Variants in NKD1 observed in about 807,000 individuals in gnomAD.
The protein encoded by NKD1 is protein naked cuticle homolog 1.
NKD1 carries 21 observed loss-of-function variants against 56.0 expected under a neutral mutation model. That is an observed-to-expected ratio of 0.38 (90% CI 0.27 to 0.54). The LOEUF (loss-of-function observed/expected upper bound fraction) is 0.54. NKD1 is among the 20% of genes least tolerant of loss of function. NKD1 has a pLI of 0.82. For synonymous variants in NKD1, 263 were observed against 265.7 expected, an observed-to-expected ratio of 0.99 and a Z score of 0.10; for missense variants, 578 against 642.7, an observed-to-expected ratio of 0.90 and a Z score of 1.09.
At chr16:50,567,375 C>T (rs1960784313) in intron 3 of NKD1, among the ~76,000 whole-genome samples, 1 of 152,102 alleles carries the variant, frequency 6.6e-6, no homozygotes. Flanking sequence ...CTGGAAGGGG[C>T]GTGATTGCCG....
chr16:50,550,378 GA>G (rs1216154613), intron 3 of NKD1, among the ~76,000 whole-genome samples: 14 of 150,420 alleles, frequency 9.3e-5, no homozygotes, highest in African/African-American at 3.4e-4. Context: ...TTTTAACTTA[GA>G]GGGGGAATAG....
chr16:50,548,914 C>A, intron 2 of NKD1, 165 bp downstream of exon 2: 2 of 897,110 alleles, frequency 2.2e-6, no homozygotes, highest in Non-Finnish European at 2.7e-6. Flanking sequence ...GCGCCCCCTC[C>A]TCTGTCCCTC....
chr16:50,587,064 T>C (rs963232186), intron 3 of NKD1, among the ~76,000 whole-genome samples: 1 of 152,226 alleles, frequency 6.6e-6, no homozygotes, highest in Non-Finnish European at 1.5e-5. Flanking sequence ...GAAAGCTGTG[T>C]GGATATAAAG....
intron 3 of NKD1, among the ~76,000 whole-genome samples, chr16:50,582,139 T>C (rs1316611644): frequency 6.6e-6 from 1 of 152,170 alleles, no homozygotes; most frequent in Non-Finnish European, 1.5e-5. Flanking sequence ...CCAGAGTGCA[T>C]TGCCCGCCCA....
At chr16:50,625,344 G>A in intron 5 of NKD1, 141 bp from the exon 6 acceptor site, 2 of 662,240 alleles carry the variant, frequency 3.0e-6, no homozygotes, top group East Asian at 5.3e-5. Flanking sequence ...CTTGGCCAAA[G>A]TGCTCCCTGT....
chr16:50,593,839 A>G (rs1314500291), intron 3 of NKD1, among the ~76,000 whole-genome samples: 2 of 152,196 alleles, frequency 1.3e-5, no homozygotes, highest in Non-Finnish European at 2.9e-5. Context: ...CTGATATTCA[A>G]ACTTAACTGA....
At chr16:50,613,020 T>TGGGGCTG in intron 4 of NKD1, among the ~76,000 whole-genome samples, 2 of 151,826 alleles carry the variant, frequency 1.3e-5, no homozygotes, top group Middle Eastern at 6.9e-3. Context: ...GAGAGGTCCA[T>TGGGGCTG]GGGGCTGGAG....
chr16:50,608,419 G>A, intron 4 of NKD1, 59 bp downstream of exon 4: 2 of 1,247,764 alleles, frequency 1.6e-6, no homozygotes, highest in Non-Finnish European at 2.3e-6. Context: ...CGGGTGTTCA[G>A]CTGGCCGTGT....
intron 3 of NKD1, among the ~76,000 whole-genome samples, chr16:50,572,206 C>T (rs575624680): frequency 2.4e-4 from 36 of 152,202 alleles, no homozygotes; most frequent in Non-Finnish European, 4.6e-4. Context: ...ATTCATGTGG[C>T]AGTTGAGTTA....
chr16:50,630,998 G>A (rs1242792109), intron 8 of NKD1, 88 bp downstream of exon 8: 26 of 1,037,450 alleles, frequency 2.5e-5, no homozygotes, highest in Non-Finnish European at 2.0e-5. Context: ...TTTTGCTCTG[G>A]TCTGTGTTCT....
At chr16:50,589,721 TCTCTTCTC>T (rs1961311359) in intron 3 of NKD1, among the ~76,000 whole-genome samples, 1 of 65,808 alleles carries the variant, frequency 1.5e-5, no homozygotes, top group South Asian at 7.1e-4. Flanking sequence ...TCTCTTCTCT[TCTCTTCTC>T]TTCTCTTCTC....
At position 50,640,056 on chromosome 16, in the gene NKD1, C is replaced by T. The variant is rs1209625346; in HGVS notation, c.*6275C>T. The T allele has an allele frequency of 6.6e-6, 1 of 152,160 alleles. No individual in the cohort carries two copies. Among genetic ancestry groups the T allele is most frequent in the Non-Finnish European group, 1.5e-5 (1 of 68,050 alleles). The allele number at this position is 152,160 out of a possible 1,614,324, so 9.4% of individuals were successfully genotyped here. A position where few individuals can be genotyped will look rare whatever the true frequency, so the allele number is the denominator to read the frequency against. Reference sequence around the variant, plus strand: ...CCCCTAGTAGGGTTTGTTTTGGGGTCACATCTGGTCATACCCTTCAGAGAG... The same window carrying T: ...CCCCTAGTAGGGTTTGTTTTGGGGTTACATCTGGTCATACCCTTCAGAGAG... On this transcript the variant is annotated 3_prime_UTR_variant, in exon 10 of 10. Transcript: ENST00000268459.
intron 4 of NKD1, among the ~76,000 whole-genome samples, chr16:50,609,115 G>A (rs1246772288): frequency 9.2e-5 from 14 of 152,242 alleles, no homozygotes; most frequent in Non-Finnish European, 1.9e-4. Context: ...GTGAGCCACT[G>A]CACCTGGCCA....
intron 8 of NKD1, 66 bp downstream of exon 8, chr16:50,630,976 C>A: frequency 1.5e-6 from 2 of 1,329,556 alleles, no homozygotes; most frequent in South Asian, 2.7e-5. Context: ...CTGAAGGATT[C>A]AGAGCAGGAA....
chr16:50,630,941 T>C (rs1962331952), intron 8 of NKD1, 31 bp downstream of exon 8: 5 of 1,523,000 alleles, frequency 3.3e-6, no homozygotes, highest in Non-Finnish European at 4.5e-6. Context: ...TGAGCATATG[T>C]TGAGCACCAG....
chr16:50,552,987 G>A (rs1246595558), intron 3 of NKD1, among the ~76,000 whole-genome samples: 3 of 152,254 alleles, frequency 2.0e-5, no homozygotes, highest in Admixed American at 6.5e-5. Flanking sequence ...GGAGGCGCAC[G>A]AGTACTGTGG....
At chr16:50,581,046 T>A (rs1183725407) in intron 3 of NKD1, among the ~76,000 whole-genome samples, 1 of 152,230 alleles carries the variant, frequency 6.6e-6, no homozygotes, top group Non-Finnish European at 1.5e-5. Context: ...ATGAAGAGTG[T>A]TTCCATATGC....
chr16:50,611,390 C>G (rs897494716), intron 4 of NKD1, among the ~76,000 whole-genome samples: 1 of 125,754 alleles, frequency 8.0e-6, no homozygotes, highest in African/African-American at 5.1e-5. Context: ...AGGAGATGCT[C>G]AGAGCCACTG....
intron 3 of NKD1, among the ~76,000 whole-genome samples, chr16:50,583,803 G>A (rs1961169649): frequency 6.6e-6 from 1 of 152,174 alleles, no homozygotes; most frequent in Non-Finnish European, 1.5e-5. Context: ...GTGATGGAGC[G>A]AGTAGAGTTG....
Sources: allele counts gnomAD v4.1 joint callset (sites outside exome capture counted in the v4.1 genomes callset), GRCh38; gene constraint gnomAD v4.1.1; transcripts MANE v1.5; gene names NCBI Gene and HGNC (gene_info 2026-07-23, HGNC 2026-07-21).